The following KCNQ1 variants were observed in gnomAD, a reference collection of about 807,000 sequenced individuals.
The protein encoded by KCNQ1 is potassium voltage-gated channel subfamily Q member 1.
KCNQ1 carries 49 observed loss-of-function variants against 72.4 expected under a neutral mutation model. The ratio of observed to expected loss-of-function variants is 0.68; its 90% confidence interval spans 0.54 to 0.86. KCNQ1 has a LOEUF of 0.86. Among genes scored for constraint, KCNQ1 ranks in the 40% least tolerant of loss-of-function variants. KCNQ1 has a pLI of 0.00. For synonymous variants in KCNQ1, 450 were observed against 412.6 expected, an observed-to-expected ratio of 1.09 and a Z score of -1.10; for missense variants, 790 against 945.1, an observed-to-expected ratio of 0.84 and a Z score of 2.15.
At chr11:2,774,429 C>T (rs1846656175) in intron 12 of KCNQ1, among the ~76,000 whole-genome samples, 1 of 152,202 alleles carries the variant, frequency 6.6e-6, no homozygotes, top group Admixed American at 6.5e-5. Context: ...CATCCCAGCC[C>T]TCCTGATCTC....
At chr11:2,672,444 G>A in intron 11 of KCNQ1, 1 of 398,588 alleles carries the variant, frequency 2.5e-6, no homozygotes, top group Non-Finnish European at 4.4e-6. Flanking sequence ...GGGCTCTGAA[G>A]AGCTTCAATT....
chr11:2,477,874 T>C lies in KCNQ1; in HGVS notation c.386+32390T>C, dbSNP rs1348450115. ...AATAAGTGGAAGAAAGGAATCCAGT[T>C]CTCACGTTAGAATCAACAGGGCTGG... On this transcript the variant is annotated intron_variant, in intron 1 of 15. Transcript: ENST00000155840. The surrounding 1 kb of genome is among the most constrained non-coding windows in gnomAD (Gnocchi z 5.0). Among the ~76,000 whole-genome samples the C allele has an allele frequency of 1.3e-5, 2 of 152,082 alleles. No homozygotes were observed. The highest frequency in any genetic ancestry group is 2.9e-5 in the Non-Finnish European group (2 of 68,010).
intron 11 of KCNQ1, among the ~76,000 whole-genome samples, chr11:2,721,241 G>T (rs1199652139): frequency 1.3e-5 from 2 of 152,154 alleles, no homozygotes; most frequent in Non-Finnish European, 2.9e-5. Flanking sequence ...CCCCCTGTTT[G>T]TCCTACCGTG....
intron 10 of KCNQ1, chr11:2,631,250 T>C (rs1467816551): frequency 2.5e-6 from 1 of 398,416 alleles, no homozygotes; most frequent in Non-Finnish European, 4.4e-6. Context: ...GTCCCATAAA[T>C]CCTGTAAACT....
chr11:2,655,847 G>C, intron 10 of KCNQ1: 1 of 398,630 alleles, frequency 2.5e-6, no homozygotes. Flanking sequence ...CTCTCCTCTT[G>C]AATTGGAAAA....
intron 6 of KCNQ1, among the ~76,000 whole-genome samples, chr11:2,581,748 C>T (rs1222037738): frequency 6.6e-6 from 1 of 152,262 alleles, no homozygotes. Context: ...CAGACACGTG[C>T]ACGTGTGGAG....
intron 15 of KCNQ1, among the ~76,000 whole-genome samples, chr11:2,805,325 A>G (rs1019848329): frequency 1.3e-5 from 2 of 152,224 alleles, no homozygotes; most frequent in African/African-American, 4.8e-5. Flanking sequence ...CCAGACAGCA[A>G]GCTGGGGAGA....
intron 1 of KCNQ1, among the ~76,000 whole-genome samples, chr11:2,455,663 T>TTCCTATCAAACTACCAATGCC (rs1846182011): frequency 6.6e-6 from 1 of 152,234 alleles, no homozygotes; most frequent in African/African-American, 2.4e-5. Context: ...GATTCAATGC[T>TTCCTATCAAACTACCAATGCC]ATTCCTATCA....
chr11:2,782,087 C>G lies in KCNQ1; in HGVS notation c.1794+4050C>G, dbSNP rs1292715750. ...TACCCTTTCCCTCATTCCAGTGTGACTCCTCCATCAACCAGGCCACAAGCT... is the reference window on the plus strand; with the variant it reads ...TACCCTTTCCCTCATTCCAGTGTGAGTCCTCCATCAACCAGGCCACAAGCT... On this transcript the variant is annotated intron_variant, in intron 15 of 15. Transcript: ENST00000155840. This position sits in a 1 kb window ranked among gnomAD's most constrained non-coding sequence, Gnocchi z 6.1. 1.3e-5 allele frequency among the ~76,000 whole-genome samples: 2 copies of G among 152,156 alleles called. No homozygotes were observed. Among genetic ancestry groups the G allele is most frequent in the South Asian group, 2.1e-4 (1 of 4,830 alleles).
intron 6 of KCNQ1, among the ~76,000 whole-genome samples, chr11:2,576,765 C>T (rs982199506): frequency 1.3e-5 from 2 of 152,240 alleles, no homozygotes; most frequent in Non-Finnish European, 2.9e-5. Context: ...CAGTCACAGG[C>T]CAGCCCTGTT....
At chr11:2,499,526 G>GCCCCC (rs1564798216) in intron 1 of KCNQ1, among the ~76,000 whole-genome samples, 2 of 57,244 alleles carry the variant, frequency 3.5e-5, no homozygotes, top group Admixed American at 1.7e-4. Context: ...ATGGACCCCT[G>GCCCCC]CCCCCACAAA....
chr11:2,614,864 ATTGT>A (rs1302632468), intron 10 of KCNQ1: 4 of 398,244 alleles, frequency 1.0e-5, no homozygotes, highest in African/African-American at 2.1e-5. Flanking sequence ...ATGATTTTAG[ATTGT>A]TTGGGGCCCT....
Position 2,848,505 on chromosome 11 carries a change from C to T in KCNQ1, c.*502C>T, listed in dbSNP as rs568373701. 1.5e-5 allele frequency: 7 copies of T among 455,692 alleles called. No individual in the cohort carries two copies. The highest frequency in any genetic ancestry group is 1.0e-4 in the African/African-American group (5 of 50,196). 28.2% of individuals were successfully genotyped at this position (455,692 alleles called of 1,614,324 possible). A position where few individuals can be genotyped will look rare whatever the true frequency, so the allele number is the denominator to read the frequency against. ...CCGCCGGCAATAAAAGCCCAGGAGC[C>T]CATTTGGAGGGCCTGGGCCTGGCTC... On this transcript the variant is annotated 3_prime_UTR_variant, in exon 16 of 16. Transcript: ENST00000155840.
chr11:2,640,663 C>G (rs1175324090), intron 10 of KCNQ1: 2 of 398,318 alleles, frequency 5.0e-6, no homozygotes, highest in Non-Finnish European at 8.8e-6. Context: ...ATCCATCACC[C>G]TCAATTTATC....
intron 1 of KCNQ1, among the ~76,000 whole-genome samples, chr11:2,523,880 G>A (rs141444506): frequency 6.6e-6 from 1 of 151,554 alleles, no homozygotes; most frequent in Non-Finnish European, 1.5e-5. Flanking sequence ...ATCTGAGAGT[G>A]GGGGGAGTGC....
At chr11:2,688,728 G>T (rs756546492) in intron 11 of KCNQ1, 4 of 398,844 alleles carry the variant, frequency 1.0e-5, no homozygotes. Flanking sequence ...TGGGTGGCCC[G>T]GCTCTGAGCT....
intron 1 of KCNQ1, among the ~76,000 whole-genome samples, chr11:2,514,814 A>G (rs756959729): frequency 3.9e-5 from 6 of 152,218 alleles, no homozygotes; most frequent in Non-Finnish European, 8.8e-5. Context: ...CGACAGAGCC[A>G]GACTCCGTCT....
chr11:2,631,535 C>A (rs529938767), intron 10 of KCNQ1: 21 of 398,418 alleles, frequency 5.3e-5, no homozygotes, highest in African/African-American at 2.7e-4. Context: ...TTCCTTAAAT[C>A]AGTCGTTTTT....
intron 1 of KCNQ1, among the ~76,000 whole-genome samples, chr11:2,514,189 G>A (rs2133621257): frequency 6.6e-6 from 1 of 152,358 alleles, no homozygotes; most frequent in East Asian, 1.9e-4. Flanking sequence ...GAGGCAGTGA[G>A]AAGAGCCGAG....
Sources: allele counts gnomAD v4.1 joint callset (sites outside exome capture counted in the v4.1 genomes callset), GRCh38; gene constraint gnomAD v4.1.1; non-coding constraint Gnocchi (gnomAD v3.1); transcripts MANE v1.5; gene names NCBI Gene and HGNC (gene_info 2026-07-23, HGNC 2026-07-21).